The following NRG3 variants were observed in gnomAD, a reference collection of about 807,000 sequenced individuals.
NRG3 encodes the protein neuregulin 3.
NRG3 carries 31 observed loss-of-function variants against 66.9 expected under a neutral mutation model. The observed-to-expected ratio is 0.46, with a 90% CI of 0.35 to 0.63. NRG3 has a LOEUF of 0.63. Ranked by LOEUF, NRG3 falls within the 20% of genes least tolerant of loss-of-function variation. The pLI is 0.00. For missense variants in NRG3, 910 were observed against 878.9 expected (o/e 1.04, Z -0.45); for synonymous variants, 393 against 359.4 (o/e 1.09, Z -1.06).
At chr10:82,459,919 C>T (rs1487537395) in intron 2 of NRG3, among the ~76,000 whole-genome samples, 2 of 152,076 alleles carry the variant, frequency 1.3e-5, no homozygotes, top group Non-Finnish European at 2.9e-5. Context: ...GAGTATGATA[C>T]GGAATACAAA....
chr10:82,676,354 T>C (rs1322145000), intron 2 of NRG3, among the ~76,000 whole-genome samples: 1 of 152,138 alleles, frequency 6.6e-6, no homozygotes, highest in Admixed American at 6.5e-5. Flanking sequence ...CTGCTAAGGG[T>C]GTTTGCATTC....
intron 2 of NRG3, among the ~76,000 whole-genome samples, chr10:82,365,232 A>T (rs1467489198): frequency 6.6e-6 from 1 of 152,168 alleles, no homozygotes; most frequent in African/African-American, 2.4e-5. Flanking sequence ...ATGAAAATGG[A>T]GTTTTGGCAC....
At chr10:82,825,824 AATAAAT>A (rs1381286233) in intron 3 of NRG3, among the ~76,000 whole-genome samples, 1 of 152,250 alleles carries the variant, frequency 6.6e-6, no homozygotes, top group African/African-American at 2.4e-5. Context: ...TTACATGAGA[AATAAAT>A]ATAATTATGT....
chr10:82,406,440 T>C (rs1345254728), intron 2 of NRG3, among the ~76,000 whole-genome samples: 1 of 152,178 alleles, frequency 6.6e-6, no homozygotes, highest in African/African-American at 2.4e-5. Context: ...GAAAGTTAAA[T>C]GACCCTGGTT....
At chr10:82,169,481 T>C (rs116687862) in intron 1 of NRG3, among the ~76,000 whole-genome samples, 1 of 151,794 alleles carries the variant, frequency 6.6e-6, no homozygotes, top group South Asian at 2.1e-4. Flanking sequence ...ATTCTAAAAA[T>C]GTTCTTGTGT....
chr10:82,356,536 A>C (rs1265773471), intron 1 of NRG3, among the ~76,000 whole-genome samples: 1 of 152,212 alleles, frequency 6.6e-6, no homozygotes, highest in Non-Finnish European at 1.5e-5. Context: ...CTTGAATAAC[A>C]GATCTTTTCT....
chr10:82,426,514 T>G (rs2089450981), intron 2 of NRG3, among the ~76,000 whole-genome samples: 2 of 150,288 alleles, frequency 1.3e-5, no homozygotes, highest in African/African-American at 2.4e-5. Context: ...TTTTTTAGCT[T>G]CTTTCTTGTT....
At chr10:81,878,269 T>C (rs1477286427) in intron 1 of NRG3, among the ~76,000 whole-genome samples, 1 of 152,198 alleles carries the variant, frequency 6.6e-6, no homozygotes, top group African/African-American at 2.4e-5. Context: ...GTTGTATTTG[T>C]ATCTTAGTTT....
intron 1 of NRG3, among the ~76,000 whole-genome samples, chr10:82,305,849 A>G (rs2080695031): frequency 6.6e-6 from 1 of 151,918 alleles, no homozygotes; most frequent in Non-Finnish European, 1.5e-5. Flanking sequence ...AATTTCTTTC[A>G]TTTTCTAACT....
At chr10:81,878,050 G>T in intron 1 of NRG3, 1 of 1,537,348 alleles carries the variant, frequency 6.5e-7, no homozygotes, top group Non-Finnish European at 8.7e-7. Flanking sequence ...TTTCTCAATT[G>T]ATTTCCTTGT....
chr10:82,091,601 T>G (rs1413362389), intron 1 of NRG3, among the ~76,000 whole-genome samples: 1 of 152,196 alleles, frequency 6.6e-6, no homozygotes, highest in East Asian at 1.9e-4. Flanking sequence ...TTGGCTGTTG[T>G]GAATAATGCT....
At chr10:82,535,852 A>T (rs1847758043) in intron 2 of NRG3, among the ~76,000 whole-genome samples, 2 of 152,044 alleles carry the variant, frequency 1.3e-5, no homozygotes, top group African/African-American at 4.8e-5. Flanking sequence ...CTTTGCCTAA[A>T]TTAAATGTAG....
At chr10:82,319,316 G>A (rs1252454523) in intron 1 of NRG3, among the ~76,000 whole-genome samples, 1 of 152,176 alleles carries the variant, frequency 6.6e-6, no homozygotes, top group Non-Finnish European at 1.5e-5. Context: ...TTTTCTAAAG[G>A]TTCCAAGAGG....
chr10:82,841,936 C>T (rs1019510136), intron 3 of NRG3, among the ~76,000 whole-genome samples: 1 of 152,106 alleles, frequency 6.6e-6, no homozygotes, highest in Non-Finnish European at 1.5e-5. Flanking sequence ...ATTCTGGCCT[C>T]CATATAGCCA....
intron 1 of NRG3, among the ~76,000 whole-genome samples, chr10:82,154,410 T>G (rs2071028102): frequency 6.6e-6 from 1 of 152,058 alleles, no homozygotes; most frequent in African/African-American, 2.4e-5. Context: ...CAGGGCTCTC[T>G]GTTCTGTTCC....
chr10:82,957,288 TA>T (rs1188754203), intron 5 of NRG3, among the ~76,000 whole-genome samples: 1 of 151,884 alleles, frequency 6.6e-6, no homozygotes. Flanking sequence ...GTAGCAAAAC[TA>T]GTGGGTAGCA....
At chr10:82,427,639 C>T (rs897411971) in intron 2 of NRG3, among the ~76,000 whole-genome samples, 6 of 151,998 alleles carry the variant, frequency 3.9e-5, no homozygotes, top group African/African-American at 1.4e-4. Flanking sequence ...AATATTGGTT[C>T]GTAGCTTTGT....
chr10:81,947,552 AT>A (rs1848958835), intron 1 of NRG3, among the ~76,000 whole-genome samples: 1 of 151,982 alleles, frequency 6.6e-6, no homozygotes, highest in Non-Finnish European at 1.5e-5. Context: ...GCATTCTGAC[AT>A]TCTTACAATT....
At chr10:82,935,996 G>T (rs1848032741) in intron 4 of NRG3, among the ~76,000 whole-genome samples, 1 of 152,138 alleles carries the variant, frequency 6.6e-6, no homozygotes, top group South Asian at 2.1e-4. Context: ...CATGGGTAGA[G>T]AAGGTGGCTA....
Sources: allele counts gnomAD v4.1 joint callset (sites outside exome capture counted in the v4.1 genomes callset), GRCh38; gene constraint gnomAD v4.1.1; transcripts MANE v1.5; gene names NCBI Gene and HGNC (gene_info 2026-07-23, HGNC 2026-07-21).